Variants in NRL observed in about 807,000 individuals in gnomAD.
The protein encoded by NRL is neural retina leucine zipper, also known as neural retina-specific leucine zipper protein.
A neutral mutation model predicts 12.5 loss-of-function variants in NRL; 16 were observed. That is an observed-to-expected ratio of 1.28 (90% confidence interval 0.87 to 1.95). The LOEUF is 1.95. Ranked by LOEUF, NRL falls within the 30% of genes most tolerant of loss-of-function variation. The pLI is 0.00. For missense variants in NRL, 314 were observed against 325.8 expected, an observed-to-expected ratio of 0.96 and a Z score of 0.28; for synonymous variants, 142 against 150.9, an observed-to-expected ratio of 0.94 and a Z score of 0.43.
intron 1 of NRL, among the ~76,000 whole-genome samples, chr14:24,104,433 T>C (rs1476592624): frequency 1.4e-5 from 2 of 146,522 alleles, no homozygotes; most frequent in African/African-American, 2.5e-5. Flanking sequence ...ATTGAGACCA[T>C]CCGGGCTAAC....
intron 1 of NRL, among the ~76,000 whole-genome samples, chr14:24,097,743 G>A (rs533868132): frequency 3.3e-5 from 5 of 151,972 alleles, no homozygotes; most frequent in South Asian, 2.1e-4. Flanking sequence ...ACAAGCATGC[G>A]CCACCACACC....
chr14:24,099,908 C>G (rs1445631553), intron 1 of NRL: 1 of 1,612,050 alleles, frequency 6.2e-7, no homozygotes, highest in Admixed American at 1.7e-5. Context: ...CATCTCAGGA[C>G]AGGGGTGGGT....
chr14:24,080,920 C>A lies in NRL; in HGVS notation c.*316G>T. On this transcript the variant is annotated 3_prime_UTR_variant, in exon 3 of 3. Coordinates refer to ENST00000561028, the MANE Select transcript of NRL (RefSeq NM_001354768.3). ...CTGAGGTGGGAGCTGCAACCCTCCT[C>A]CACCTCCCATTCACTGTGTCACCAC... 1 of 301,186 alleles carries A rather than the reference C, an allele frequency of 3.3e-6. No individual in the cohort carries two copies. 18.7% of individuals were successfully genotyped at this position (301,186 alleles called of 1,614,324 possible).
chr14:24,110,318 A>G (rs3742498), intron 1 of NRL: 32,400 of 400,888 alleles, frequency 0.081, 3,138 homozygotes, highest in African/African-American at 0.25. Flanking sequence ...CACATTGCCC[A>G]GGCTGATCTC....
intron 1 of NRL, among the ~76,000 whole-genome samples, chr14:24,113,656 CA>C (rs1221576651): frequency 6.6e-6 from 1 of 152,170 alleles, no homozygotes; most frequent in Non-Finnish European, 1.5e-5. Flanking sequence ...AACATTAAAC[CA>C]AACATTCAGG....
At position 24,081,558 on chromosome 14, in the gene NRL, C is replaced by T; in HGVS notation, c.392G>A (p.Arg131Gln). Residue 131 changes from arginine to glutamine, a missense_variant, in exon 3 of 3, where the codon CGG becomes CAG. Physicochemically the swap from Arg to Gln is conservative, Grantham distance 43. Coordinates refer to ENST00000561028, the MANE Select transcript of NRL (RefSeq NM_001354768.3). This position sits in a 1 kb window ranked among gnomAD's most constrained non-coding sequence, Gnocchi z 4.4. ...TGAQHVQLAERFSDAALVSMS... is the reference protein window; with the variant it reads ...TGAQHVQLAEQFSDAALVSMS... ...CGAGACCAGCGCCGCGTCGGAAAACCGCTCTGCCAGCTGCGGAGGGAGAAT... is the reference window on the plus strand; with the variant it reads ...CGAGACCAGCGCCGCGTCGGAAAACTGCTCTGCCAGCTGCGGAGGGAGAAT... 6.3e-7 allele frequency: 1 copy of T among 1,598,564 alleles called. No homozygotes were observed. The highest frequency in any genetic ancestry group is 8.5e-7 in the Non-Finnish European group (1 of 1,174,168).
At chr14:24,096,049 T>C (rs1278910109) in intron 1 of NRL, among the ~76,000 whole-genome samples, 1 of 152,082 alleles carries the variant, frequency 6.6e-6, no homozygotes, top group Non-Finnish European at 1.5e-5. Context: ...GGGGCTTTCA[T>C]AGTCTTACAG....
At chr14:24,096,731 G>A (rs561436726) in intron 1 of NRL, among the ~76,000 whole-genome samples, 105 of 152,206 alleles carry the variant, frequency 6.9e-4, no homozygotes, top group African/African-American at 2.4e-3. Flanking sequence ...AGATACATGT[G>A]TCCTGAACAC....
Position 24,094,673 on chromosome 14 carries a change from G to A in NRL, c.-27-11798C>T, listed in dbSNP as rs958452322. 5.3e-6 allele frequency: 8 copies of A among 1,514,936 alleles called. No individual in the cohort carries two copies. Among genetic ancestry groups the A allele is most frequent in the African/African-American group, 1.4e-5 (1 of 72,572 alleles). The allele number at this position is 1,514,936 out of a possible 1,614,324, so 93.8% of individuals were successfully genotyped here. On this transcript the variant is annotated intron_variant, in intron 1 of 2. Transcript: ENST00000561028. This position sits in a 1 kb window ranked among gnomAD's most constrained non-coding sequence, Gnocchi z 4.1. Reference sequence around the variant, plus strand: ...TTCTCTGCCTCGCTCGCCTCTGACCGCGCGATCTCTATCTGCCACTCTCAG... The same window carrying A: ...TTCTCTGCCTCGCTCGCCTCTGACCACGCGATCTCTATCTGCCACTCTCAG...
At position 24,103,078 on chromosome 14, in the gene NRL, G is replaced by A. The variant is rs185687744; in HGVS notation, c.-28+11644C>T. On this transcript the variant is annotated intron_variant, in intron 1 of 2. Transcript: ENST00000561028. ...GATAGCCGAGGTCTTAGGAGAGAGA[G>A]TACCAGTCAAGCTCACCAGAAGGGC... 3,082 of 1,257,888 alleles carry A rather than the reference G, an allele frequency of 2.5e-3. 6 individuals carry two copies. The highest frequency in any genetic ancestry group is 3.2e-3 in the Non-Finnish European group (2,761 of 861,552). The allele number at this position is 1,257,888 out of a possible 1,614,324, so 77.9% of individuals were successfully genotyped here.
chr14:24,104,640 C>CAAAAAA (rs375795839), intron 1 of NRL, among the ~76,000 whole-genome samples: 5 of 106,164 alleles, frequency 4.7e-5, no homozygotes, highest in African/African-American at 1.3e-4. Context: ...AACTCCGTCA[C>CAAAAAA]AAAAAAAAAA....
intron 1 of NRL, chr14:24,100,526 C>A: frequency 4.3e-6 from 4 of 931,732 alleles, no homozygotes; most frequent in Middle Eastern, 3.7e-4. Context: ...AAGGGTTTAT[C>A]ACACTGACAA....
chr14:24,110,127 T>C (rs1486731585), intron 1 of NRL, among the ~76,000 whole-genome samples: 1 of 152,044 alleles, frequency 6.6e-6, no homozygotes, highest in African/African-American at 2.4e-5. Context: ...TACTTTTTTT[T>C]TTTTTCTTTG....
rs1292405754 is a variant in NRL, at chr14:24,094,016, G to GT, written c.-27-11142_-27-11141insA. 1 of 515,494 alleles carries GT rather than the reference G, an allele frequency of 1.9e-6. No individual in the cohort carries two copies. The highest frequency in any genetic ancestry group is 3.4e-6 in the Non-Finnish European group (1 of 294,732). The allele number at this position is 515,494 out of a possible 1,614,324, so 31.9% of individuals were successfully genotyped here. A position where few individuals can be genotyped will look rare whatever the true frequency, so the allele number is the denominator to read the frequency against. On this transcript the variant is annotated intron_variant, in intron 1 of 2. Coordinates refer to ENST00000561028, the MANE Select transcript of NRL (RefSeq NM_001354768.3). The surrounding 1 kb of genome is among the most constrained non-coding windows in gnomAD (Gnocchi z 4.1). ...TTGTTTGCCACCTAGTGTCTCTCCC[G>GT]GGAGCAAGAGTCCTCAAAGTTACAT... is the stretch of plus-strand genomic sequence containing the variant.
At chr14:24,084,228 G>T (rs1232262941) in intron 1 of NRL, among the ~76,000 whole-genome samples, 1 of 152,212 alleles carries the variant, frequency 6.6e-6, no homozygotes, top group East Asian at 1.9e-4. Flanking sequence ...CCCTTGAGAG[G>T]ACAGAGGGGA....
At chr14:24,098,913 AGGT>A in intron 1 of NRL, 1 of 755,116 alleles carries the variant, frequency 1.3e-6, no homozygotes, top group Non-Finnish European at 2.2e-6. Flanking sequence ...GGTTATTATG[AGGT>A]GGGGGGCTTC....
chr14:24,087,962 AG>A (rs906727795), intron 1 of NRL, among the ~76,000 whole-genome samples: 3 of 152,084 alleles, frequency 2.0e-5, no homozygotes, highest in Non-Finnish European at 4.4e-5. Context: ...GGGGAGGATG[AG>A]GGTGCAGTGG....
chr14:24,102,978 C>T, intron 1 of NRL: 1 of 1,390,484 alleles, frequency 7.2e-7, no homozygotes, highest in Non-Finnish European at 1.0e-6. Flanking sequence ...AGAGCCTCAG[C>T]CTGGATCTCA....
Position 24,081,034 on chromosome 14 carries a change from G to C in NRL, c.*202C>G. The C allele has an allele frequency of 2.5e-6, 1 of 407,054 alleles. No individual in the cohort carries two copies. Among genetic ancestry groups the C allele is most frequent in the Non-Finnish European group, 4.3e-6 (1 of 234,236 alleles). The allele number at this position is 407,054 out of a possible 1,614,324, so 25.2% of individuals were successfully genotyped here. A position where few individuals can be genotyped will look rare whatever the true frequency, so the allele number is the denominator to read the frequency against. On this transcript the variant is annotated 3_prime_UTR_variant, in exon 3 of 3. Coordinates refer to ENST00000561028, the MANE Select transcript of NRL (RefSeq NM_001354768.3). This position sits in a 1 kb window ranked among gnomAD's most constrained non-coding sequence, Gnocchi z 4.4. The stretch of plus-strand genomic sequence containing the variant: ...GGGTTTCTGTGTTCGTAAGGGGAGG[G>C]GACCCCTCTCCAGAAAATGACCAGC...
Sources: gnomAD v4.1 joint callset for allele counts (sites outside exome capture counted in the v4.1 genomes callset) on GRCh38, gnomAD v4.1.1 for gene constraint, Gnocchi (gnomAD v3.1) non-coding constraint, MANE v1.5 for transcripts, NCBI Gene and HGNC (gene_info 2026-07-23, HGNC 2026-07-21) for gene names.